Variants in STK38 observed in about 807,000 individuals in gnomAD.
STK38 encodes the protein serine/threonine kinase 38, also known as serine/threonine-protein kinase 38.
Under a neutral mutation model 59.0 loss-of-function variants are expected in STK38, and 26 were observed. The ratio of observed to expected loss-of-function variants is 0.44; its 90% CI spans 0.32 to 0.61. The LOEUF is 0.61. Ranked by LOEUF, STK38 falls within the 20% of genes least tolerant of loss-of-function variation. The pLI, the probability that STK38 is intolerant of heterozygous loss-of-function variation, is 0.04. For missense variants in STK38, 433 were observed against 566.0 expected, an observed-to-expected ratio of 0.76 and a Z score of 2.38; for synonymous variants, 175 against 176.6, an observed-to-expected ratio of 0.99 and a Z score of 0.07.
intron 5 of STK38, 65 bp downstream of exon 5, chr6:36,521,669 C>A: frequency 7.9e-7 from 1 of 1,262,238 alleles, no homozygotes; most frequent in Non-Finnish European, 1.1e-6. Context: ...TTCAATTAAA[C>A]AAAAAGAAAA....
At chr6:36,539,079 A>G (rs1163285809) in intron 2 of STK38, among the ~76,000 whole-genome samples, 2 of 149,868 alleles carry the variant, frequency 1.3e-5, no homozygotes, top group African/African-American at 5.0e-5. Context: ...AAATATTGGG[A>G]AAAATTTTTT....
chr6:36,507,930 ATTT>A (rs35789250), intron 7 of STK38, among the ~76,000 whole-genome samples: 6 of 113,232 alleles, frequency 5.3e-5, no homozygotes, highest in Admixed American at 1.1e-4. Flanking sequence ...GGTATTCAGA[ATTT>A]TTTTTTTTTT....
intron 1 of STK38, among the ~76,000 whole-genome samples, chr6:36,542,510 G>A (rs1162774407): frequency 2.0e-5 from 3 of 152,140 alleles, no homozygotes; most frequent in African/African-American, 7.2e-5. Context: ...TCAACCAGGA[G>A]TGTGGCACAC....
intron 2 of STK38, among the ~76,000 whole-genome samples, chr6:36,528,025 T>G (rs1400425598): frequency 1.3e-5 from 2 of 151,508 alleles, no homozygotes; most frequent in African/African-American, 4.9e-5. Context: ...AGGAGAATGT[T>G]GTGAACCCAG....
rs753041372 is a variant in STK38, at chr6:36,521,724, T to G, written c.390+10A>C. The G allele has an allele frequency of 5.0e-6, 8 of 1,597,900 alleles. No homozygotes were observed. The highest frequency in any genetic ancestry group is 6.8e-6 in the Non-Finnish European group (8 of 1,172,976). On this transcript the variant is annotated intron_variant, in intron 5 of 13. Transcript: ENST00000229812. Reference sequence around the variant, plus strand: ...AATAAGCTAAAAGCACTGCTACAACTGTGCTTTACCTGCTCTTTTTCAAGC... The same window carrying G: ...AATAAGCTAAAAGCACTGCTACAACGGTGCTTTACCTGCTCTTTTTCAAGC...
At chr6:36,512,713 G>A (rs574375764) in intron 7 of STK38, among the ~76,000 whole-genome samples, 3 of 151,940 alleles carry the variant, frequency 2.0e-5, no homozygotes, top group East Asian at 1.9e-4. Context: ...AGGCTGGAGT[G>A]CAGTGGCACG....
At chr6:36,519,110 G>C (rs1168168110) in intron 5 of STK38, among the ~76,000 whole-genome samples, 1 of 152,080 alleles carries the variant, frequency 6.6e-6, no homozygotes, top group East Asian at 1.9e-4. Flanking sequence ...TTGACTTTAT[G>C]TATTTGAGTT....
At chr6:36,501,762 T>C (rs1246191067) in intron 9 of STK38, among the ~76,000 whole-genome samples, 2 of 152,196 alleles carry the variant, frequency 1.3e-5, no homozygotes, top group Non-Finnish European at 2.9e-5. Context: ...TTTATTCATG[T>C]AGCTCTAGTT....
intron 12 of STK38, among the ~76,000 whole-genome samples, chr6:36,497,104 G>A (rs1313351049): frequency 6.6e-6 from 1 of 152,216 alleles, no homozygotes; most frequent in Non-Finnish European, 1.5e-5. Context: ...CTACTAAAAA[G>A]GGAAACTGAA....
At chr6:36,528,987 G>C (rs1356777625) in intron 2 of STK38, among the ~76,000 whole-genome samples, 1 of 152,038 alleles carries the variant, frequency 6.6e-6, no homozygotes, top group Non-Finnish European at 1.5e-5. Flanking sequence ...AACACAATCA[G>C]ATTATTTCAT....
At chr6:36,525,996 G>A (rs780979900) in intron 2 of STK38, among the ~76,000 whole-genome samples, 1 of 152,012 alleles carries the variant, frequency 6.6e-6, no homozygotes, top group Non-Finnish European at 1.5e-5. Context: ...GACTACAGGC[G>A]CGTGCCACCA....
At chr6:36,515,576 T>C in intron 6 of STK38, 84 bp from the exon 7 acceptor site, 1 of 1,581,538 alleles carries the variant, frequency 6.3e-7, no homozygotes, top group Non-Finnish European at 8.5e-7. Context: ...TGAGTACCAA[T>C]TTTCAGATAT....
In STK38 at chr6:36,495,692, T is replaced by C; in HGVS notation, c.*92A>G. 6.5e-7 allele frequency: 1 copy of C among 1,546,760 alleles called. No homozygotes were observed. The highest frequency in any genetic ancestry group is 1.2e-5 in the South Asian group (1 of 84,804). On this transcript the variant is annotated 3_prime_UTR_variant, in exon 14 of 14. Transcript: ENST00000229812. The stretch of plus-strand genomic sequence containing the variant: ...TACTATGACATATTGGTGGGTTCCA[T>C]CAACTTCTTGGAAGCTCTTCAAGAG...
intron 2 of STK38, among the ~76,000 whole-genome samples, chr6:36,538,194 C>T (rs1292752086): frequency 1.3e-5 from 2 of 151,718 alleles, no homozygotes; most frequent in Non-Finnish European, 2.9e-5. Flanking sequence ...GTCCCAGCTA[C>T]TCGGGAGGCT....
At chr6:36,510,573 C>A (rs1403818315) in intron 7 of STK38, among the ~76,000 whole-genome samples, 6 of 152,250 alleles carry the variant, frequency 3.9e-5, no homozygotes, top group Admixed American at 3.9e-4. Flanking sequence ...GCACCTCCCC[C>A]ACTGCAGCTG....
At chr6:36,529,459 TTAAC>T (rs1289779813) in intron 2 of STK38, among the ~76,000 whole-genome samples, 5 of 152,162 alleles carry the variant, frequency 3.3e-5, no homozygotes, top group African/African-American at 1.2e-4. Flanking sequence ...CAGTGCCAGG[TTAAC>T]TAACACTCCA....
chr6:36,538,613 A>T (rs1310447996), intron 2 of STK38, among the ~76,000 whole-genome samples: 4 of 152,134 alleles, frequency 2.6e-5, no homozygotes, highest in African/African-American at 9.7e-5. Flanking sequence ...GAGGCAAAAA[A>T]TTAAGATGGA....
At chr6:36,513,848 TAAA>T (rs1178706954) in intron 7 of STK38, among the ~76,000 whole-genome samples, 2 of 63,840 alleles carry the variant, frequency 3.1e-5, no homozygotes, top group Non-Finnish European at 2.9e-5. Flanking sequence ...TACTAAAAAT[TAAA>T]AAAAAAAAAA....
At chr6:36,527,105 T>C (rs987364437) in intron 2 of STK38, among the ~76,000 whole-genome samples, 2 of 149,310 alleles carry the variant, frequency 1.3e-5, no homozygotes, top group African/African-American at 2.5e-5. Flanking sequence ...AGCAGAAGAA[T>C]TGCCTGAACC....
Sources: allele counts gnomAD v4.1 joint callset (sites outside exome capture counted in the v4.1 genomes callset), GRCh38; gene constraint gnomAD v4.1.1; transcripts MANE v1.5; gene names NCBI Gene and HGNC (gene_info 2026-07-23, HGNC 2026-07-21).